The following RYR3 variants were observed in gnomAD, a reference collection of about 807,000 sequenced individuals.
RYR3 encodes the protein brain ryanodine receptor-calcium release channel.
In RYR3, 207 loss-of-function variants were observed where a neutral mutation model predicts 584.3. The observed-to-expected ratio is 0.35, with a 90% CI of 0.32 to 0.40. The LOEUF (loss-of-function observed/expected upper bound fraction) is 0.40, where lower values mean the gene tolerates loss of function less well. RYR3 is among the 10% of genes least tolerant of loss of function. The pLI, the probability that RYR3 is intolerant of heterozygous loss-of-function variation, is 1.00. For synonymous variants in RYR3, 2,416 were observed against 2,248.5 expected (o/e 1.07, Z -2.11); for missense variants, 5,616 against 6,089.2 (o/e 0.92, Z 2.59).
intron 58 of RYR3, among the ~76,000 whole-genome samples, chr15:33,755,416 G>A (rs547350209): frequency 6.6e-6 from 1 of 152,076 alleles, no homozygotes; most frequent in East Asian, 1.9e-4. Flanking sequence ...GTCAAGAGAT[G>A]GAGACCATCC....
chr15:33,688,061 A>G (rs2065141877), intron 38 of RYR3, among the ~76,000 whole-genome samples: 1 of 152,182 alleles, frequency 6.6e-6, no homozygotes, highest in Admixed American at 6.5e-5. Flanking sequence ...AAATAGACAA[A>G]TGGGATCTAA....
At chr15:33,745,054 AAC>A (rs1269283602) in intron 52 of RYR3, among the ~76,000 whole-genome samples, 1 of 152,148 alleles carries the variant, frequency 6.6e-6, no homozygotes, top group Non-Finnish European at 1.5e-5. Flanking sequence ...TGGTGGCCTG[AAC>A]TAACATACTA....
intron 12 of RYR3, among the ~76,000 whole-genome samples, chr15:33,571,302 AG>A (rs1157435633): frequency 6.6e-6 from 1 of 152,172 alleles, no homozygotes; most frequent in Non-Finnish European, 1.5e-5. Context: ...AATGAGCATT[AG>A]ATTTTTTCAA....
rs768815512 is a variant in RYR3 at position 33,659,778 on chromosome 15, T to G, written c.4367T>G (p.Leu1456Trp). ...TTCCTGCAGCCTACAAGTACTTCTTTGTTTCAGTTTGAACTTGGAAAGCTG... is the reference window on the plus strand; with the variant it reads ...TTCCTGCAGCCTACAAGTACTTCTTGGTTTCAGTTTGAACTTGGAAAGCTG... ...AVFLQPTSTSLFQFELGKLKN... is the reference protein window; with the variant it reads ...AVFLQPTSTSWFQFELGKLKN... The change falls in exon 33 of 104, where the codon TTG becomes TGG. Residue 1456 changes from leucine (L) to tryptophan (W), a missense_variant. Coordinates refer to ENST00000634891, the MANE Select transcript of RYR3 (RefSeq NM_001036.6). The G allele has an allele frequency of 6.2e-7, 1 of 1,612,836 alleles. No individual in the cohort carries two copies. Among genetic ancestry groups the G allele is most frequent in the Non-Finnish European group, 8.5e-7 (1 of 1,178,876 alleles).
At position 33,637,736 on chromosome 15, in the gene RYR3, T is replaced by G. The variant is rs188752405; in HGVS notation, c.3556+1186T>G. On this transcript the variant is annotated intron_variant, in intron 27 of 103. Coordinates refer to ENST00000634891, the MANE Select transcript of RYR3 (RefSeq NM_001036.6). ...CGTTTTTAGCTTTATAAATGACTTT[T>G]GCACTTTTTTTTCAGACACCTATTG... is the stretch of plus-strand genomic sequence containing the variant. 4.1e-4 allele frequency among the ~76,000 whole-genome samples: 63 copies of G among 152,392 alleles called. 2 individuals carry two copies. Among genetic ancestry groups the G allele is most frequent in the Admixed American group, 4.0e-3 (61 of 15,310 alleles).
chr15:33,549,071 T>G (rs1190299206), intron 9 of RYR3, among the ~76,000 whole-genome samples: 5 of 16,136 alleles, frequency 3.1e-4, no homozygotes, highest in Middle Eastern at 0.1. Flanking sequence ...ATGCACACGT[T>G]TTTTTTTTCT....
At chr15:33,858,074 A>C in intron 99 of RYR3, 160 bp downstream of exon 99, 2 of 932,850 alleles carry the variant, frequency 2.1e-6, no homozygotes, top group South Asian at 1.8e-5. Flanking sequence ...GTCTTCTCCA[A>C]ACAGGAGAGT....
chr15:33,548,374 A>T (rs902782403), intron 9 of RYR3, among the ~76,000 whole-genome samples, 170 bp downstream of exon 9: 1 of 152,232 alleles, frequency 6.6e-6, no homozygotes, highest in Non-Finnish European at 1.5e-5. Flanking sequence ...ACACACACAC[A>T]CACAATCTCC....
intron 38 of RYR3, among the ~76,000 whole-genome samples, chr15:33,677,257 G>A (rs1267408406): frequency 2.0e-5 from 3 of 152,204 alleles, no homozygotes; most frequent in Non-Finnish European, 2.9e-5. Context: ...AAGCATGGAT[G>A]TTTAGGGTAC....
chr15:33,861,684 A>G (rs1383532286), intron 102 of RYR3, among the ~76,000 whole-genome samples: 1 of 152,104 alleles, frequency 6.6e-6, no homozygotes, highest in Non-Finnish European at 1.5e-5. Flanking sequence ...GTCTTGTCAA[A>G]GGGGCCTGTA....
intron 24 of RYR3, among the ~76,000 whole-genome samples, chr15:33,633,322 C>T (rs951860413): frequency 1.3e-5 from 2 of 152,202 alleles, no homozygotes; most frequent in Non-Finnish European, 2.9e-5. Context: ...GATAGTCCCA[C>T]GTATCTACTG....
chr15:33,830,977 T>C lies in RYR3; in HGVS notation c.11349T>C (p.Asp3783=). 1 of 1,613,476 alleles carries C rather than the reference T, an allele frequency of 6.2e-7. No individual in the cohort carries two copies. Among genetic ancestry groups the C allele is most frequent in the Non-Finnish European group, 8.5e-7 (1 of 1,179,692 alleles). ...TTTGTTTTTAGGAATCAATCAGTGA[T>C]TTCTACTGGTATTATTCAGGGAAGG... ...YLLRLQESIS[D]FYWYYSGKDI... is the part of the protein sequence containing the mutation. The change falls in exon 86 of 104, where the codon GAT becomes GAC. Residue 3783 remains aspartate, a synonymous_variant. Coordinates refer to ENST00000634891, the MANE Select transcript of RYR3 (RefSeq NM_001036.6).
At chr15:33,607,499 A>G (rs1216720483) in intron 18 of RYR3, among the ~76,000 whole-genome samples, 2 of 152,180 alleles carry the variant, frequency 1.3e-5, no homozygotes, top group African/African-American at 2.4e-5. Context: ...TCCTAATATC[A>G]TAAAAAGCAC....
chr15:33,656,632 C>T (rs1312809632), intron 32 of RYR3, among the ~76,000 whole-genome samples: 1 of 152,182 alleles, frequency 6.6e-6, no homozygotes, highest in Non-Finnish European at 1.5e-5. Flanking sequence ...GAACCAGGCT[C>T]ATCTGGAGGC....
chr15:33,750,989 G>A (rs987992374), intron 57 of RYR3, among the ~76,000 whole-genome samples: 2 of 151,792 alleles, frequency 1.3e-5, no homozygotes, highest in Non-Finnish European at 2.9e-5. Context: ...TTTCTGTTTG[G>A]TTTTCAGTTC....
chr15:33,526,053 A>T (rs2054359837), intron 3 of RYR3, among the ~76,000 whole-genome samples: 1 of 151,890 alleles, frequency 6.6e-6, no homozygotes, highest in African/African-American at 2.4e-5. Flanking sequence ...ATTGCCTGGG[A>T]CTCCCAAAGT....
rs1477343884 is a variant in RYR3, at chr15:33,861,329, CTCTCCCA to C, written c.14465+153_14465+159del. ...CTGTACCTTTGTCCATAGACTCTGT[CTCTCCCA>C]TGTGTGATAGACGTGTGTTGTGGAC... On this transcript the variant is annotated intron_variant, in intron 102 of 103. Transcript: ENST00000634891. Among the ~76,000 whole-genome samples, 3 of 152,298 alleles carry C rather than the reference CTCTCCCA, an allele frequency of 2.0e-5. No homozygotes were observed. The South Asian group carries it at 6.2e-4, about 32-fold the overall frequency.
chr15:33,490,837 A>G (rs1429973438), intron 2 of RYR3, among the ~76,000 whole-genome samples: 1 of 152,068 alleles, frequency 6.6e-6, no homozygotes, highest in African/African-American at 2.4e-5. Flanking sequence ...GACTTGAAAA[A>G]TGAGCCCTGT....
At chr15:33,349,699 T>G (rs1052916006) in intron 1 of RYR3, among the ~76,000 whole-genome samples, 1 of 148,848 alleles carries the variant, frequency 6.7e-6, no homozygotes, top group Non-Finnish European at 1.5e-5. Flanking sequence ...ACCCACTAAC[T>G]CGTCATCTAG....
Sources: gnomAD v4.1 joint callset for allele counts (sites outside exome capture counted in the v4.1 genomes callset) on GRCh38, gnomAD v4.1.1 for gene constraint, MANE v1.5 for transcripts, NCBI Gene and HGNC (gene_info 2026-07-23, HGNC 2026-07-21) for gene names.